Variants in CHD9 observed in about 807,000 individuals in gnomAD.
CHD9 encodes chromodomain helicase DNA binding protein 9, also known as ATP-dependent chromatin remodeler CHD9.
In CHD9, 77 loss-of-function variants were observed where a neutral mutation model predicts 316.1. The ratio of observed to expected loss-of-function variants is 0.24; its 90% CI spans 0.20 to 0.29. The LOEUF (loss-of-function observed/expected upper bound fraction) is 0.29, where lower values mean the gene tolerates loss of function less well. Among genes scored for constraint, CHD9 ranks in the 10% least tolerant of loss-of-function variants. The probability of loss-of-function intolerance (pLI) is 1.00; values close to 1 mark genes in which losing one functional copy is unlikely to be tolerated. For synonymous variants in CHD9, 1,129 were observed against 1,158.3 expected, an observed-to-expected ratio of 0.97 and a Z score of 0.51; for missense variants, 2,763 against 3,438.1, an observed-to-expected ratio of 0.80 and a Z score of 4.91.
intron 2 of CHD9, among the ~76,000 whole-genome samples, chr16:53,186,770 T>C (rs1318607102): frequency 6.6e-6 from 1 of 152,210 alleles, no homozygotes; most frequent in African/African-American, 2.4e-5. Flanking sequence ...CAAAAGATGA[T>C]GGTCTTATAA....
At chr16:53,298,338 C>T (rs2055004440) in intron 30 of CHD9, 1 of 151,880 alleles carries the variant, frequency 6.6e-6, no homozygotes, top group African/African-American at 2.4e-5. Flanking sequence ...AAAAAAAGGA[C>T]ATAAAGCTGA....
At chr16:53,066,126 C>T (rs1450626156) in intron 1 of CHD9, among the ~76,000 whole-genome samples, 1 of 152,178 alleles carries the variant, frequency 6.6e-6, no homozygotes, top group Non-Finnish European at 1.5e-5. Flanking sequence ...GATTCCTACC[C>T]CAGTTCCATC....
At chr16:53,211,638 AAGTGAATTGAT>A (rs2046342079) in intron 3 of CHD9, among the ~76,000 whole-genome samples, 1 of 152,136 alleles carries the variant, frequency 6.6e-6, no homozygotes, top group Admixed American at 6.5e-5. Context: ...GCAGGCAGAT[AAGTGAATTGAT>A]AGAAGAATTT....
At position 53,226,465 on chromosome 16, in the gene CHD9, A is replaced by G. The variant is rs1369354655; in HGVS notation, c.1996A>G (p.Lys666Glu). 6.2e-7 allele frequency: 1 copy of G among 1,608,582 alleles called. No homozygotes were observed. The highest frequency in any genetic ancestry group is 8.5e-7 in the Non-Finnish European group (1 of 1,178,658). ...EEVKGSMKIKKNSAPLPGEQP... is the reference protein window; with the variant it reads ...EEVKGSMKIKENSAPLPGEQP... ...GGTTAAAGGTTCTATGAAAATAAAA[A>G]AGAATTCAGCTCCTTTACCTGGTGA... is the stretch of plus-strand genomic sequence containing the variant. Residue 666 changes from lysine (K) to glutamate (E), a missense_variant, in exon 5 of 39, where the codon AAG (lysine) becomes GAG (glutamate). This residue lies in a region of CHD9 where 859 missense variants were observed against 890.4 expected (regional missense o/e 0.96). Coordinates refer to ENST00000447540, the MANE Select transcript of CHD9 (RefSeq NM_001308319.2).
chr16:53,264,525 G>A (rs2051465864), intron 20 of CHD9, among the ~76,000 whole-genome samples: 1 of 152,136 alleles, frequency 6.6e-6, no homozygotes, highest in African/African-American at 2.4e-5. Context: ...GCAGAATGAT[G>A]CTTACAATGT....
intron 2 of CHD9, among the ~76,000 whole-genome samples, chr16:53,191,981 A>G (rs2044514350): frequency 6.6e-6 from 1 of 150,676 alleles, no homozygotes; most frequent in African/African-American, 2.4e-5. Context: ...GTATCTCATT[A>G]TGATTTTAAT....
At chr16:53,187,372 A>C (rs1358679288) in intron 2 of CHD9, among the ~76,000 whole-genome samples, 1 of 152,086 alleles carries the variant, frequency 6.6e-6, no homozygotes. Flanking sequence ...TTAGCTGGGC[A>C]TGGTGACACA....
chr16:53,321,509 C>G lies in CHD9; in HGVS notation c.7714-17C>G. ...ATGTAACAGTGTTGTAGTATTTAATCTGTTTCTAATTTACAGGTTGGAGGT... is the reference window on the plus strand; with the variant it reads ...ATGTAACAGTGTTGTAGTATTTAATGTGTTTCTAATTTACAGGTTGGAGGT... On this transcript the variant is annotated splice_polypyrimidine_tract_variant and intron_variant, in intron 37 of 38. Transcript: ENST00000447540. 2 of 1,523,844 alleles carry G rather than the reference C, an allele frequency of 1.3e-6. No homozygotes were observed. The highest frequency in any genetic ancestry group is 1.8e-6 in the Non-Finnish European group (2 of 1,128,548). 94.4% of individuals were successfully genotyped at this position (1,523,844 alleles called of 1,614,324 possible).
At chr16:53,112,349 T>C (rs2037929327) in intron 1 of CHD9, among the ~76,000 whole-genome samples, 1 of 152,154 alleles carries the variant, frequency 6.6e-6, no homozygotes, top group African/African-American at 2.4e-5. Flanking sequence ...GATCTAGGGG[T>C]GAAAACAGAC....
chr16:53,168,125 G>C (rs990262868), intron 2 of CHD9, among the ~76,000 whole-genome samples: 2 of 151,868 alleles, frequency 1.3e-5, no homozygotes, highest in Admixed American at 6.6e-5. Flanking sequence ...GCAGTGGCAC[G>C]ATCTCAGCTC....
At chr16:53,259,868 A>G (rs2050932127) in intron 19 of CHD9, among the ~76,000 whole-genome samples, 1 of 152,208 alleles carries the variant, frequency 6.6e-6, no homozygotes, top group South Asian at 2.1e-4. Context: ...CTCATTTACC[A>G]GATTGGTTAA....
intron 33 of CHD9, 45 bp from the exon 34 acceptor site, chr16:53,308,640 AT>A (rs752123154): frequency 1.3e-5 from 19 of 1,465,688 alleles, no homozygotes; most frequent in Admixed American, 1.9e-5. Context: ...CTGCAATAAG[AT>A]TTTTTTTAAC....
rs2057439313 is a variant in CHD9 at position 53,324,122 on chromosome 16, G to C, written c.7921G>C (p.Ala2641Pro). ...ACGGCCTAAAAGTGGAATTGCAAAG[G>C]CCACAGCAGCAGCAGCTGCTGCATC... The part of the protein sequence containing the change: ...GRRPKSGIAK[A>P]TAAAAAASAT... Residue 2641 changes from alanine (A) to proline (P), a missense_variant, in exon 39 of 39, where the codon GCC becomes CCC. By Grantham distance (27) the Ala-to-Pro change is conservative. Transcript: ENST00000447540. 1 of 1,613,836 alleles carries C rather than the reference G, an allele frequency of 6.2e-7. No individual in the cohort carries two copies. Among genetic ancestry groups the C allele is most frequent in the African/African-American group, 1.3e-5 (1 of 74,910 alleles).
At chr16:53,292,528 G>A (rs1339160918) in intron 28 of CHD9, among the ~76,000 whole-genome samples, 2 of 152,078 alleles carry the variant, frequency 1.3e-5, no homozygotes, top group Non-Finnish European at 2.9e-5. Flanking sequence ...ATTCAGTTTG[G>A]CTTTTAGTTT....
chr16:53,314,479 A>G lies in CHD9; in HGVS notation c.7325A>G (p.Asp2442Gly). Residue 2442 changes from aspartate to glycine, a missense_variant, in exon 35 of 39, where the codon GAC becomes GGC. Transcript: ENST00000447540. ...AGGAGGAAGAATGTAGAAGGTGTTG[A>G]CATCTTCTTTTTTAACAGAAATAAA... is the stretch of plus-strand genomic sequence containing the variant. The part of the protein sequence containing the change: ...RGRRKNVEGV[D>G]IFFFNRNKPP... The G allele has an allele frequency of 6.3e-7, 1 of 1,581,332 alleles. No homozygotes were observed. The highest frequency in any genetic ancestry group is 1.2e-5 in the South Asian group (1 of 86,110).
intron 1 of CHD9, among the ~76,000 whole-genome samples, chr16:53,084,678 G>A (rs2035312707): frequency 6.6e-6 from 1 of 152,216 alleles, no homozygotes; most frequent in South Asian, 2.1e-4. Context: ...GGGAGGCGGA[G>A]GTTGCAGTGA....
At chr16:53,088,560 G>A (rs1025939128) in intron 1 of CHD9, among the ~76,000 whole-genome samples, 1 of 151,866 alleles carries the variant, frequency 6.6e-6, no homozygotes, top group African/African-American at 2.4e-5. Context: ...TTACAGGCTT[G>A]AGCCACCGCG....
intron 1 of CHD9, among the ~76,000 whole-genome samples, chr16:53,143,084 G>A (rs1341265529): frequency 6.6e-6 from 1 of 152,076 alleles, no homozygotes; most frequent in African/African-American, 2.4e-5. Context: ...ATTCATGAGG[G>A]CAGAGGCCTC....
intron 3 of CHD9, among the ~76,000 whole-genome samples, chr16:53,220,892 T>A (rs1021226261): frequency 2.6e-5 from 4 of 152,326 alleles, no homozygotes; most frequent in Middle Eastern, 3.4e-3. Flanking sequence ...TGCCGCTTCT[T>A]TCACTACCTG....
Sources: allele counts gnomAD v4.1 joint callset (sites outside exome capture counted in the v4.1 genomes callset), GRCh38; gene constraint gnomAD v4.1.1; regional missense constraint gnomAD v4.1.1; transcripts MANE v1.5; gene names NCBI Gene and HGNC (gene_info 2026-07-23, HGNC 2026-07-21).